PAFAH2: variants seen among roughly 807,000 people sequenced by gnomAD.
PAFAH2 encodes platelet activating factor acetylhydrolase 2.
In PAFAH2, 42 loss-of-function variants were observed where a neutral mutation model predicts 49.0. That is an observed-to-expected ratio of 0.86 (90% CI 0.67 to 1.11). PAFAH2 has a LOEUF of 1.11. Ranked by LOEUF, PAFAH2 falls within the 50% of genes least tolerant of loss-of-function variation. The probability of loss-of-function intolerance (pLI) is 0.00; values close to 1 mark genes in which losing one functional copy is unlikely to be tolerated. For synonymous variants in PAFAH2, 184 were observed against 181.3 expected, an observed-to-expected ratio of 1.01 and a Z score of -0.12; for missense variants, 503 against 501.8, an observed-to-expected ratio of 1.00 and a Z score of -0.02.
chr1:25,966,356 T>C (rs980001966), intron 10 of PAFAH2, among the ~76,000 whole-genome samples: 2 of 152,140 alleles, frequency 1.3e-5, no homozygotes, highest in Non-Finnish European at 2.9e-5. Flanking sequence ...AGCAAAGATA[T>C]GGAATCACCC....
intron 6 of PAFAH2, among the ~76,000 whole-genome samples, chr1:25,983,647 T>C (rs1243898408): frequency 1.3e-5 from 2 of 151,742 alleles, no homozygotes; most frequent in Non-Finnish European, 2.9e-5. Context: ...GAGACAGAAA[T>C]GAGGATGAAG....
At chr1:25,962,127 G>C in intron 10 of PAFAH2, 44 bp from the exon 11 acceptor site, 1 of 1,522,064 alleles carries the variant, frequency 6.6e-7, no homozygotes. Context: ...TCATTGTGAG[G>C]TTTGGTCAAA....
intron 1 of PAFAH2, among the ~76,000 whole-genome samples, chr1:25,996,809 AAATATTGCC>A (rs2049943467): frequency 6.6e-6 from 1 of 152,362 alleles, no homozygotes; most frequent in African/African-American, 2.4e-5. Flanking sequence ...TCGTAAGTGA[AAATATTGCC>A]TAGGGCCTGG....
intron 1 of PAFAH2, among the ~76,000 whole-genome samples, chr1:25,993,589 A>G (rs2049902824): frequency 6.6e-6 from 1 of 152,166 alleles, no homozygotes; most frequent in African/African-American, 2.4e-5. Context: ...TACAGATAGC[A>G]TCTTCATTTT....
Position 25,994,514 on chromosome 1 carries a change from C to T in PAFAH2, c.-48+3511G>A, listed in dbSNP as rs531945834. ...CTGTACAATGGGAACACTATCCATC[C>T]TCACAGGGTTGCTGTGGAAATAAAA... On this transcript the variant is annotated intron_variant, in intron 1 of 10. Coordinates refer to ENST00000374282, the MANE Select transcript of PAFAH2 (RefSeq NM_000437.4). Among the ~76,000 whole-genome samples, 16 of 152,244 alleles carry T rather than the reference C, an allele frequency of 1.1e-4. No homozygotes were observed. The South Asian group carries it at 1.9e-3, about 18-fold the overall frequency.
chr1:25,979,014 G>A (rs1347665906), intron 7 of PAFAH2, among the ~76,000 whole-genome samples: 1 of 152,194 alleles, frequency 6.6e-6, no homozygotes, highest in Admixed American at 6.5e-5. Flanking sequence ...CATGTGTGCA[G>A]GTATTTATTT....
At chr1:25,990,706 A>G in intron 2 of PAFAH2, 21 bp downstream of exon 2, 2 of 1,596,942 alleles carry the variant, frequency 1.3e-6, no homozygotes, top group Non-Finnish European at 1.7e-6. Context: ...AAACAGAAGA[A>G]AGGGAGCTGG....
chr1:25,983,560 AAC>A (rs1491025739), intron 6 of PAFAH2, among the ~76,000 whole-genome samples: 1 of 106,750 alleles, frequency 9.4e-6, no homozygotes, highest in Non-Finnish European at 2.2e-5. Flanking sequence ...CTGTCTCAAA[AAC>A]AAAAAAAAAA....
chr1:25,997,769 G>A (rs1450839125), intron 1 of PAFAH2: 1 of 152,820 alleles, frequency 6.5e-6, no homozygotes, highest in Non-Finnish European at 1.5e-5. Flanking sequence ...GGGGTCCAAG[G>A]TGGGGCTGCG....
At chr1:25,981,679 C>A (rs976619740) in intron 7 of PAFAH2, among the ~76,000 whole-genome samples, 2 of 152,240 alleles carry the variant, frequency 1.3e-5, no homozygotes, top group Admixed American at 1.3e-4. Flanking sequence ...CGTAGGGTCA[C>A]AGCTTTCCCA....
chr1:25,972,058 T>A (rs1391647755), intron 10 of PAFAH2, among the ~76,000 whole-genome samples: 1 of 152,092 alleles, frequency 6.6e-6, no homozygotes. Flanking sequence ...ATAGTCAGGA[T>A]CTCCAAACTT....
intron 10 of PAFAH2, among the ~76,000 whole-genome samples, chr1:25,971,839 G>T (rs1322748874): frequency 2.0e-5 from 3 of 152,168 alleles, no homozygotes; most frequent in Non-Finnish European, 4.4e-5. Context: ...ATTATTCATA[G>T]TCCTTCCATG....
intron 5 of PAFAH2, among the ~76,000 whole-genome samples, 165 bp downstream of exon 5, chr1:25,984,295 T>C (rs921668920): frequency 6.6e-6 from 1 of 152,166 alleles, no homozygotes; most frequent in African/African-American, 2.4e-5. Flanking sequence ...ATGTCACTTT[T>C]GGGAAATTAT....
intron 10 of PAFAH2, among the ~76,000 whole-genome samples, chr1:25,968,994 A>G (rs2049468510): frequency 6.6e-6 from 1 of 152,170 alleles, no homozygotes; most frequent in Non-Finnish European, 1.5e-5. Flanking sequence ...ACAATGCACC[A>G]GACTGTGAAC....
intron 1 of PAFAH2, among the ~76,000 whole-genome samples, chr1:25,991,858 A>C (rs2049881209): frequency 6.6e-6 from 1 of 151,996 alleles, no homozygotes; most frequent in African/African-American, 2.4e-5. Flanking sequence ...GCACCACTGC[A>C]CTCCAGCCTG....
chr1:25,990,888 A>C, intron 1 of PAFAH2, 25 bp from the exon 2 acceptor site: 1 of 1,251,338 alleles, frequency 8.0e-7, no homozygotes, highest in East Asian at 2.4e-5. Context: ...ACAGAACAGC[A>C]GCCGCTTGCT....
intron 8 of PAFAH2, among the ~76,000 whole-genome samples, chr1:25,975,304 A>C (rs11247835): frequency 0.028 from 4,197 of 152,194 alleles, 187 homozygotes; most frequent in African/African-American, 0.09. Context: ...TGGGCTGGGC[A>C]TGGTGGTTCA....
chr1:25,991,875 A>G (rs2049881334), intron 1 of PAFAH2, among the ~76,000 whole-genome samples: 1 of 152,096 alleles, frequency 6.6e-6, no homozygotes, highest in Non-Finnish European at 1.5e-5. Context: ...CCTGGGTGAC[A>G]GAGTGAGACC....
intron 1 of PAFAH2, among the ~76,000 whole-genome samples, chr1:25,992,323 A>C (rs1458592317): frequency 2.0e-5 from 3 of 152,222 alleles, no homozygotes; most frequent in Non-Finnish European, 1.5e-5. Context: ...CACTTATAGA[A>C]AAAATCCTAA....
Sources: gnomAD v4.1 joint callset for allele counts (sites outside exome capture counted in the v4.1 genomes callset) on GRCh38, gnomAD v4.1.1 for gene constraint, MANE v1.5 for transcripts, NCBI Gene and HGNC (gene_info 2026-07-23, HGNC 2026-07-21) for gene names.